The following FLVCR2 variants were observed in gnomAD, a reference collection of about 807,000 sequenced individuals.
FLVCR2 encodes choline/ethanolamine transporter FLVCR2.
In FLVCR2, 38 loss-of-function variants were observed where a neutral mutation model predicts 48.9. The observed-to-expected ratio is 0.78, with a 90% CI of 0.60 to 1.02. The LOEUF (loss-of-function observed/expected upper bound fraction) is 1.02, where lower values mean the gene tolerates loss of function less well. Among genes scored for constraint, FLVCR2 ranks in the 50% least tolerant of loss-of-function variants. FLVCR2 has a pLI of 0.00. For synonymous variants in FLVCR2, 255 were observed against 257.0 expected (o/e 0.99, Z 0.07); for missense variants, 664 against 663.3 (o/e 1.00, Z -0.01).
In FLVCR2 at chr14:75,646,258, TTC is replaced by T. The variant is rs1287982285; in HGVS notation, c.1510-139_1510-138del. Reference sequence around the variant, plus strand: ...CAGGGGCTGGTTGCTTCTTTTCTTGTTCTCTTTCTTGGCTCTCTGGGATGCTG... The same window carrying T: ...CAGGGGCTGGTTGCTTCTTTTCTTGTTCTTTCTTGGCTCTCTGGGATGCTG... On this transcript the variant is annotated intron_variant, in intron 9 of 9. Coordinates refer to ENST00000238667, the MANE Select transcript of FLVCR2 (RefSeq NM_017791.3). 7.5e-6 allele frequency: 5 copies of T among 670,342 alleles called. No homozygotes were observed. The East Asian group carries it at 8.3e-5, about 11-fold the overall frequency. The allele number at this position is 670,342 out of a possible 1,614,324, so 41.5% of individuals were successfully genotyped here. A position where few individuals can be genotyped will look rare whatever the true frequency, so the allele number is the denominator to read the frequency against.
At chr14:75,638,509 A>C (rs1890223565) in intron 5 of FLVCR2, among the ~76,000 whole-genome samples, 1 of 152,232 alleles carries the variant, frequency 6.6e-6, no homozygotes, top group Non-Finnish European at 1.5e-5. Flanking sequence ...AAGTAGGGAC[A>C]GGAAGAACTT....
chr14:75,622,441 T>TA (rs1889790100), intron 2 of FLVCR2, among the ~76,000 whole-genome samples: 1 of 152,198 alleles, frequency 6.6e-6, no homozygotes, highest in Non-Finnish European at 1.5e-5. Context: ...AGGAAAGGTT[T>TA]AATTGTCATT....
Position 75,629,776 on chromosome 14 carries a change from T to C in FLVCR2, c.953-3853T>C, listed in dbSNP as rs529209819. ...ATACTCAAAGGGCGTACTTTTCCCA[T>C]AGTTATGCCCCAGACTTGCTGCCAG... On this transcript the variant is annotated intron_variant, in intron 3 of 9. Coordinates refer to ENST00000238667, the MANE Select transcript of FLVCR2 (RefSeq NM_017791.3). Among the ~76,000 whole-genome samples, 285 of 152,372 alleles carry C rather than the reference T, an allele frequency of 1.9e-3. 1 individual carries two copies. Among genetic ancestry groups the C allele is most frequent in the South Asian group, 0.016 (79 of 4,834 alleles).
At chr14:75,640,643 T>C (rs75515202) in intron 6 of FLVCR2, 12,841 of 412,188 alleles carry the variant, frequency 0.031, 817 homozygotes, top group South Asian at 0.14. Context: ...CAGCTGAAGG[T>C]TGAACACACC....
chr14:75,631,759 C>G (rs1466711838), intron 3 of FLVCR2: 6 of 455,956 alleles, frequency 1.3e-5, no homozygotes, highest in Non-Finnish European at 2.6e-5. Context: ...CTCCACCTCA[C>G]TTGGCTTTTC....
At chr14:75,614,995 C>A (rs1246993686) in intron 1 of FLVCR2, among the ~76,000 whole-genome samples, 1 of 152,172 alleles carries the variant, frequency 6.6e-6, no homozygotes, top group African/African-American at 2.4e-5. Context: ...GATTACAATT[C>A]GAGATGAGAT....
At chr14:75,604,631 TG>T (rs1889246773) in intron 1 of FLVCR2, among the ~76,000 whole-genome samples, 2 of 152,184 alleles carry the variant, frequency 1.3e-5, no homozygotes, top group Admixed American at 1.3e-4. Flanking sequence ...TAATCGCCTC[TG>T]TCTTCTGTTG....
intron 1 of FLVCR2, among the ~76,000 whole-genome samples, chr14:75,597,441 G>A (rs575377284): frequency 8.3e-4 from 127 of 152,322 alleles, no homozygotes; most frequent in South Asian, 5.0e-3. Flanking sequence ...CAACTTGGGG[G>A]ATTAGCCCAG....
chr14:75,608,784 T>C (rs1889363432), intron 1 of FLVCR2, among the ~76,000 whole-genome samples: 1 of 152,196 alleles, frequency 6.6e-6, no homozygotes, highest in Non-Finnish European at 1.5e-5. Flanking sequence ...TTCCTCATTG[T>C]CTTCCCTGGG....
chr14:75,607,975 A>G (rs558552580), intron 1 of FLVCR2, among the ~76,000 whole-genome samples: 1 of 152,288 alleles, frequency 6.6e-6, no homozygotes, highest in South Asian at 2.1e-4. Context: ...CTTGGGAGCT[A>G]GAGAGGATCA....
chr14:75,637,993 G>T (rs979504335), intron 5 of FLVCR2, among the ~76,000 whole-genome samples: 11 of 152,144 alleles, frequency 7.2e-5, no homozygotes, highest in Non-Finnish European at 1.5e-4. Context: ...CTCCTGAGGG[G>T]ATCGACACAG....
chr14:75,642,788 G>T (rs1415215673), intron 9 of FLVCR2, among the ~76,000 whole-genome samples: 1 of 152,124 alleles, frequency 6.6e-6, no homozygotes, highest in Admixed American at 6.5e-5. Flanking sequence ...GTATATAAAT[G>T]CATATTTTTA....
chr14:75,579,416 C>T lies in FLVCR2; in HGVS notation c.444C>T (p.Phe148=). 1.2e-6 allele frequency: 2 copies of T among 1,614,082 alleles called. No individual in the cohort carries two copies. The highest frequency in any genetic ancestry group is 1.7e-6 in the Non-Finnish European group (2 of 1,180,054). The change falls in exon 1 of 10, where the codon TTC becomes TTT. Residue 148 remains phenylalanine, a synonymous_variant. Coordinates refer to ENST00000238667, the MANE Select transcript of FLVCR2 (RefSeq NM_017791.3). ...CAGTGGCTTGGCTGCTGGAGAAGTT[C>T]GGCCTGCGCACCATTGCTCTCACTG... ...LLPVAWLLEK[F]GLRTIALTGS...
In FLVCR2 at chr14:75,616,034, A is replaced by C. The variant is rs1301095944; in HGVS notation, c.670-6045A>C. Among the ~76,000 whole-genome samples the C allele has an allele frequency of 3.3e-4, 48 of 147,186 alleles. 1 individual carries two copies. Among genetic ancestry groups the C allele is most frequent in the African/African-American group, 1.2e-3 (48 of 40,552 alleles). On this transcript the variant is annotated intron_variant, in intron 1 of 9. Coordinates refer to ENST00000238667, the MANE Select transcript of FLVCR2 (RefSeq NM_017791.3). ...AGAGTGAGACTCCATCTCAAAAAAA[A>C]AAAAAAAAAAAAAATAGCGTAAGTC...
intron 1 of FLVCR2, among the ~76,000 whole-genome samples, chr14:75,613,052 A>G (rs1439714877): frequency 6.6e-6 from 1 of 152,194 alleles, no homozygotes; most frequent in Non-Finnish European, 1.5e-5. Context: ...TGGTGTTTCA[A>G]TGCACACAGC....
At position 75,646,907 on chromosome 14, in the gene FLVCR2, T is replaced by C. The variant is rs1303995333; in HGVS notation, c.*435T>C. On this transcript the variant is annotated 3_prime_UTR_variant, in exon 10 of 10. Transcript: ENST00000238667. The stretch of plus-strand genomic sequence containing the variant: ...TCTCATGAAGCCCAGTTCTAATAAG[T>C]GGCAAGCTGCTCTGCCGGGGTCATC... The C allele has an allele frequency of 3.4e-5, 9 of 267,286 alleles. No homozygotes were observed. The highest frequency in any genetic ancestry group is 5.9e-5 in the Non-Finnish European group (8 of 135,160). 16.6% of individuals were successfully genotyped at this position (267,286 alleles called of 1,614,324 possible).
At chr14:75,590,649 T>A (rs770572265) in intron 1 of FLVCR2, among the ~76,000 whole-genome samples, 1 of 152,124 alleles carries the variant, frequency 6.6e-6, no homozygotes, top group Non-Finnish European at 1.5e-5. Flanking sequence ...TCAGTTCTTA[T>A]GAGATATGGT....
intron 1 of FLVCR2, among the ~76,000 whole-genome samples, chr14:75,620,333 C>G (rs1889731128): frequency 6.6e-6 from 1 of 152,216 alleles, no homozygotes. Flanking sequence ...TCTCCAGGCT[C>G]TTAGCCTGGG....
chr14:75,623,002 G>A (rs1889803231), intron 2 of FLVCR2, among the ~76,000 whole-genome samples: 1 of 152,048 alleles, frequency 6.6e-6, no homozygotes, highest in Non-Finnish European at 1.5e-5. Context: ...TATTTTTGGA[G>A]ATGGAGTCTT....
Sources: gnomAD v4.1 joint callset for allele counts (sites outside exome capture counted in the v4.1 genomes callset) on GRCh38, gnomAD v4.1.1 for gene constraint, MANE v1.5 for transcripts, NCBI Gene and HGNC (gene_info 2026-07-23, HGNC 2026-07-21) for gene names.